Variants in GPR89B observed in about 807,000 individuals in gnomAD.
The protein encoded by GPR89B is golgi pH regulator B.
A neutral mutation model predicts 52.4 loss-of-function variants in GPR89B; 25 were observed. The observed-to-expected ratio is 0.48, with a 90% CI of 0.35 to 0.67. GPR89B has a LOEUF of 0.67. Among genes scored for constraint, GPR89B ranks in the 30% least tolerant of loss-of-function variants. The pLI, the probability that GPR89B is intolerant of heterozygous loss-of-function variation, is 0.01. For missense variants in GPR89B, 146 were observed against 450.2 expected (o/e 0.32, Z 6.11); for synonymous variants, 52 against 151.2 (o/e 0.34, Z 4.81).
chr1:148,003,089 G>T, the GPR89B span, among the ~76,000 whole-genome samples: 8 of 152,080 alleles, frequency 5.3e-5, no homozygotes, highest in Non-Finnish European at 1.0e-4. Context: ...AAGAATTCCT[G>T]TCTGCTTCAT....
chr1:148,009,989 G>C, the GPR89B span: 1 of 197,132 alleles, frequency 5.1e-6, no homozygotes, highest in African/African-American at 2.3e-5. Context: ...TCTCCAGCAT[G>C]GGAGTTGACA....
At chr1:147,929,808 T>G (rs1310785713) in intron 1 of GPR89B, among the ~76,000 whole-genome samples, 1 of 152,158 alleles carries the variant, frequency 6.6e-6, no homozygotes, top group African/African-American at 2.4e-5. Flanking sequence ...TTTTTAAAAT[T>G]TACCACCTTT....
At chr1:147,959,398 G>GA (rs1322632989) in intron 7 of GPR89B, among the ~76,000 whole-genome samples, 1 of 152,082 alleles carries the variant, frequency 6.6e-6, no homozygotes, top group African/African-American at 2.4e-5. Flanking sequence ...TCTTTCTACA[G>GA]AAAATCATAA....
chr1:147,932,934 AT>A (rs1553247275), intron 1 of GPR89B, among the ~76,000 whole-genome samples: 2 of 152,162 alleles, frequency 1.3e-5, no homozygotes, highest in East Asian at 1.9e-4. Context: ...CTTACTATAA[AT>A]TGATTAACTT....
the GPR89B span, chr1:148,012,319 C>CA: frequency 2.3e-4 from 34 of 149,992 alleles, no homozygotes; most frequent in Admixed American, 3.3e-4. Context: ...ATTTGTGTAA[C>CA]GGAAAATCAT....
the GPR89B span, among the ~76,000 whole-genome samples, chr1:148,015,932 T>C: frequency 6.6e-6 from 1 of 152,002 alleles, no homozygotes; most frequent in Non-Finnish European, 1.5e-5. Context: ...TTAGGGCTTA[T>C]AGCAAACCTT....
At chr1:148,020,954 G>A in the GPR89B span, among the ~76,000 whole-genome samples, 1 of 151,682 alleles carries the variant, frequency 6.6e-6, no homozygotes, top group East Asian at 1.9e-4. Flanking sequence ...TCCCAAAGTG[G>A]TGGGATTACA....
At chr1:147,966,106 C>G (rs1326889367) in intron 7 of GPR89B, among the ~76,000 whole-genome samples, 4 of 151,944 alleles carry the variant, frequency 2.6e-5, no homozygotes, top group Non-Finnish European at 4.4e-5. Context: ...CTCGGCCTCC[C>G]AAAGTGCTGG....
downstream of GPR89B, among the ~76,000 whole-genome samples, chr1:147,997,222 A>G (rs1659335925): frequency 6.6e-6 from 1 of 152,068 alleles, no homozygotes; most frequent in Non-Finnish European, 1.5e-5. Context: ...AACACAAGAC[A>G]CTTGTGATAG....
chr1:147,971,723 G>A (rs1487866843), intron 10 of GPR89B, among the ~76,000 whole-genome samples: 17 of 151,280 alleles, frequency 1.1e-4, no homozygotes, highest in African/African-American at 3.7e-4. Flanking sequence ...CTTGTGATGC[G>A]CCTGCCTCAG....
chr1:147,949,236 C>T (rs1420528573), intron 5 of GPR89B, among the ~76,000 whole-genome samples: 4 of 152,172 alleles, frequency 2.6e-5, no homozygotes, highest in Admixed American at 2.0e-4. Context: ...TCCACAAAAC[C>T]GCCATTGTCA....
intron 10 of GPR89B, among the ~76,000 whole-genome samples, chr1:147,970,569 C>CTCTCTCTCTATATATATA (rs1553253167): frequency 7.0e-6 from 1 of 142,584 alleles, no homozygotes; most frequent in Non-Finnish European, 1.5e-5. Context: ...CTCTCTCTCT[C>CTCTCTCTCTATATATATA]TATATATATA....
At chr1:147,930,968 T>A (rs1170114477) in intron 1 of GPR89B, among the ~76,000 whole-genome samples, 4 of 152,160 alleles carry the variant, frequency 2.6e-5, no homozygotes, top group African/African-American at 9.7e-5. Context: ...TCCCCTAGAC[T>A]GGACTAGATG....
the GPR89B span, among the ~76,000 whole-genome samples, chr1:148,018,418 C>CA: frequency 0.027 from 1,616 of 58,818 alleles, 13 homozygotes; most frequent in Middle Eastern, 0.081. Context: ...GACTCCGTCT[C>CA]AAAAAAAAAA....
chr1:148,008,956 G>A, the GPR89B span, among the ~76,000 whole-genome samples: 1 of 152,074 alleles, frequency 6.6e-6, no homozygotes, highest in Non-Finnish European at 1.5e-5. Flanking sequence ...CTCAAAAATA[G>A]CTATTATGAA....
chr1:147,973,585 T>C (rs1180666006), intron 10 of GPR89B, among the ~76,000 whole-genome samples: 4 of 151,874 alleles, frequency 2.6e-5, no homozygotes, highest in Non-Finnish European at 4.4e-5. Context: ...GTCAGATGGA[T>C]AGATTGCAAA....
intron 7 of GPR89B, among the ~76,000 whole-genome samples, chr1:147,965,938 C>T (rs1657001244): frequency 6.6e-6 from 1 of 151,786 alleles, no homozygotes; most frequent in African/African-American, 2.4e-5. Flanking sequence ...CCTCTGCCTC[C>T]TAGGTTCAAG....
chr1:147,947,131 T>TA (rs1655040713), intron 5 of GPR89B, among the ~76,000 whole-genome samples: 1 of 151,880 alleles, frequency 6.6e-6, no homozygotes. Flanking sequence ...GGCCAGGAGT[T>TA]AGAGACCAGC....
chr1:148,000,240 TA>T, the GPR89B span, among the ~76,000 whole-genome samples: 1 of 151,476 alleles, frequency 6.6e-6, no homozygotes, highest in Non-Finnish European at 1.5e-5. Flanking sequence ...AGTGCCACTT[TA>T]AGTATGTTAA....
Sources: gnomAD v4.1 joint callset for allele counts (sites outside exome capture counted in the v4.1 genomes callset) on GRCh38, gnomAD v4.1.1 for gene constraint, MANE v1.5 for transcripts, NCBI Gene and HGNC (gene_info 2026-07-23, HGNC 2026-07-21) for gene names.